Variants in NFS1 observed in about 807,000 individuals in gnomAD.
The protein encoded by NFS1 is NFS1 cysteine desulfurase.
NFS1 carries 26 observed loss-of-function variants against 57.3 expected under a neutral mutation model. That is an observed-to-expected ratio of 0.45 (90% CI 0.33 to 0.63). The LOEUF (loss-of-function observed/expected upper bound fraction) is 0.63. NFS1 is among the 20% of genes least tolerant of loss of function. The pLI is 0.02. For missense variants in NFS1, 505 were observed against 605.8 expected, an observed-to-expected ratio of 0.83 and a Z score of 1.75; for synonymous variants, 209 against 216.3, an observed-to-expected ratio of 0.97 and a Z score of 0.30.
intron 10 of NFS1, 189 bp from the exon 11 acceptor site, chr20:35,673,873 C>T (rs1476410735): frequency 3.0e-5 from 16 of 529,344 alleles, no homozygotes; most frequent in Non-Finnish European, 5.5e-5. Context: ...GAACCTAGCT[C>T]CTCTGGCCCC....
In NFS1 at chr20:35,691,446, A is replaced by T. The variant is rs192635651; in HGVS notation, c.409-881T>A. Reference sequence around the variant, plus strand: ...AAAAAAAACATTTATCTCATTGAAGAAAAAAAAAAAGCGGCCAGGTGCAGT... The same window carrying T: ...AAAAAAAACATTTATCTCATTGAAGTAAAAAAAAAAGCGGCCAGGTGCAGT... On this transcript the variant is annotated intron_variant, in intron 4 of 12. Transcript: ENST00000374092. Among the ~76,000 whole-genome samples, 78 of 146,844 alleles carry T rather than the reference A, an allele frequency of 5.3e-4. 1 individual carries two copies. Among genetic ancestry groups the T allele is most frequent in the Non-Finnish European group, 1.1e-4 (7 of 66,334 alleles).
At chr20:35,690,328 G>T in intron 5 of NFS1, 85 bp downstream of exon 5, 1 of 1,325,252 alleles carries the variant, frequency 7.5e-7, no homozygotes, top group Non-Finnish European at 1.1e-6. Context: ...ATTCCTTCAA[G>T]CTCCAGCTAG....
chr20:35,692,708 GA>G (rs1054536005), intron 4 of NFS1, among the ~76,000 whole-genome samples: 3 of 147,386 alleles, frequency 2.0e-5, no homozygotes, highest in Non-Finnish European at 3.0e-5. Flanking sequence ...ACAGAAAAAA[GA>G]AAAAAAAATG....
At chr20:35,680,935 G>A in intron 6 of NFS1, 64 bp from the exon 7 acceptor site, 1 of 1,325,820 alleles carries the variant, frequency 7.5e-7, no homozygotes, top group Non-Finnish European at 9.9e-7. Flanking sequence ...GAGTCCCACA[G>A]TGCACTGTGA....
intron 12 of NFS1, among the ~76,000 whole-genome samples, chr20:35,671,360 C>T (rs187725567): frequency 5.3e-5 from 8 of 152,282 alleles, no homozygotes; most frequent in African/African-American, 9.6e-5. Context: ...CTCGGCCTCC[C>T]GAAGTGCTGG....
At chr20:35,692,574 G>A (rs548881961) in intron 4 of NFS1, among the ~76,000 whole-genome samples, 66 of 149,030 alleles carry the variant, frequency 4.4e-4, no homozygotes, top group African/African-American at 1.4e-3. Flanking sequence ...CTGGCGTGGT[G>A]GTACACATCT....
chr20:35,685,043 C>G (rs1347772848), intron 5 of NFS1, among the ~76,000 whole-genome samples: 1 of 151,660 alleles, frequency 6.6e-6, no homozygotes, highest in Non-Finnish European at 1.5e-5. Context: ...GACACCACCA[C>G]ACCCGGCTAA....
intron 10 of NFS1, 176 bp from the exon 11 acceptor site, chr20:35,673,860 T>TGCAG: frequency 1.8e-6 from 1 of 549,726 alleles, no homozygotes. Flanking sequence ...TCCTAGGATG[T>TGCAG]GTGAACCTAG....
intron 7 of NFS1, among the ~76,000 whole-genome samples, chr20:35,679,803 A>T (rs2034817735): frequency 6.6e-6 from 1 of 152,254 alleles, no homozygotes; most frequent in East Asian, 1.9e-4. Flanking sequence ...CATCAACCCA[A>T]AAAAGGCCCT....
intron 8 of NFS1, 48 bp downstream of exon 8, chr20:35,674,997 A>G (rs778046641): frequency 6.2e-7 from 1 of 1,610,364 alleles, no homozygotes; most frequent in Non-Finnish European, 8.5e-7. Flanking sequence ...TAAATAGGAG[A>G]CCCAGCACAG....
intron 7 of NFS1, among the ~76,000 whole-genome samples, chr20:35,677,300 G>C (rs1341897127): frequency 2.0e-5 from 3 of 152,138 alleles, no homozygotes; most frequent in Non-Finnish European, 4.4e-5. Context: ...GGGAGGCCAA[G>C]GAAGGAGAAT....
In NFS1 at chr20:35,699,310, C is replaced by T. The variant is rs528986447; in HGVS notation, c.-22G>A. Reference sequence around the variant, plus strand: ...GCATGGTCCCGCTGGCAGAGCCCACCTTCCGAAGCCGCTGCAGTCCTGGGC... The same window carrying T: ...GCATGGTCCCGCTGGCAGAGCCCACTTTCCGAAGCCGCTGCAGTCCTGGGC... On this transcript the variant is annotated 5_prime_UTR_variant, in exon 1 of 13. Transcript: ENST00000374092. This position sits in a 1 kb window ranked among gnomAD's most constrained non-coding sequence, Gnocchi z 4.4. The T allele has an allele frequency of 2.1e-4, 300 of 1,397,014 alleles. No individual in the cohort carries two copies. Among genetic ancestry groups the T allele is most frequent in the Non-Finnish European group, 2.6e-4 (286 of 1,082,870 alleles). The allele number at this position is 1,397,014 out of a possible 1,614,324, so 86.5% of individuals were successfully genotyped here.
chr20:35,672,893 G>A, intron 11 of NFS1, 49 bp from the exon 12 acceptor site: 1 of 1,105,530 alleles, frequency 9.0e-7, no homozygotes, highest in Non-Finnish European at 1.3e-6. Context: ...TCTGGCACTG[G>A]GATAAATTCA....
intron 4 of NFS1, among the ~76,000 whole-genome samples, chr20:35,693,381 A>C (rs1325798585): frequency 6.6e-6 from 1 of 151,908 alleles, no homozygotes; most frequent in Non-Finnish European, 1.5e-5. Context: ...CACAGGCTTG[A>C]CCCACTGCAC....
intron 3 of NFS1, 53 bp downstream of exon 3, chr20:35,697,631 C>A: frequency 5.0e-6 from 6 of 1,210,734 alleles, no homozygotes; most frequent in Non-Finnish European, 7.1e-6. Flanking sequence ...ATGCCTCCCA[C>A]AGGCCACTGC....
Position 35,679,665 on chromosome 20 carries a change from ACT to A in NFS1, c.790+1070_790+1071del, listed in dbSNP as rs1197507027. Among the ~76,000 whole-genome samples, 14 of 152,078 alleles carry A rather than the reference ACT, an allele frequency of 9.2e-5. No individual in the cohort carries two copies. In the East Asian group the frequency reaches 1.9e-3, roughly 21 times the overall value. On this transcript the variant is annotated intron_variant, in intron 7 of 12. Coordinates refer to ENST00000374092, the MANE Select transcript of NFS1 (RefSeq NM_021100.5). ...TTTGAAATAATAACTCACAAAAAACACTCTACAACCTCTGGGAACCCTTAGAA... is the reference window on the plus strand; with the variant it reads ...TTTGAAATAATAACTCACAAAAAACACTACAACCTCTGGGAACCCTTAGAA...
At chr20:35,680,070 C>T (rs1263569827) in intron 7 of NFS1, among the ~76,000 whole-genome samples, 6 of 151,930 alleles carry the variant, frequency 3.9e-5, no homozygotes, top group East Asian at 1.9e-4. Context: ...TTTGGGAGGC[C>T]GAGACGGGCG....
In NFS1 at chr20:35,699,239, G is replaced by A. The variant is rs2035201011; in HGVS notation, c.50C>T (p.Ala17Val). 2 of 1,432,718 alleles carry A rather than the reference G, an allele frequency of 1.4e-6. No individual in the cohort carries two copies. Among genetic ancestry groups the A allele is most frequent in the Admixed American group, 2.9e-5 (1 of 34,554 alleles). 88.8% of individuals were successfully genotyped at this position (1,432,718 alleles called of 1,614,324 possible). ...GGGCGCCGCGGGCTTCGGCCCTGGA[G>A]CCGCTGTCACCGCCACTGCCGCCCG... ...WRRAAVAVTA[A>V]PGPKPAAPTR... The change falls in exon 1 of 13, where the codon GCT (alanine) becomes GTT (valine). Residue 17 changes from alanine (A) to valine (V), a missense_variant. Coordinates refer to ENST00000374092, the MANE Select transcript of NFS1 (RefSeq NM_021100.5). The surrounding 1 kb of genome is among the most constrained non-coding windows in gnomAD (Gnocchi z 4.4).
chr20:35,678,039 C>T (rs2034784166), intron 7 of NFS1, among the ~76,000 whole-genome samples: 3 of 152,010 alleles, frequency 2.0e-5, no homozygotes, highest in Admixed American at 2.0e-4. Flanking sequence ...CATAGTGAAA[C>T]CCTGTCTCTA....
Sources: allele counts gnomAD v4.1 joint callset (sites outside exome capture counted in the v4.1 genomes callset), GRCh38; gene constraint gnomAD v4.1.1; non-coding constraint Gnocchi (gnomAD v3.1); transcripts MANE v1.5; gene names NCBI Gene and HGNC (gene_info 2026-07-23, HGNC 2026-07-21).